PCDHGB4: variants seen among roughly 807,000 people sequenced by gnomAD.
The protein encoded by PCDHGB4 is protocadherin gamma-B4.
In PCDHGB4, 38 loss-of-function variants were observed where a neutral mutation model predicts 60.5. The observed-to-expected ratio is 0.63, with a 90% confidence interval of 0.48 to 0.82. The LOEUF is 0.82. Among genes scored for constraint, PCDHGB4 ranks in the 40% least tolerant of loss-of-function variants. PCDHGB4 has a pLI of 0.00. For missense variants in PCDHGB4, 1,109 were observed against 1,209.6 expected, an observed-to-expected ratio of 0.92 and a Z score of 1.23; for synonymous variants, 456 against 509.7, an observed-to-expected ratio of 0.89 and a Z score of 1.42.
chr5:141,398,105 G>A (rs778559832), intron 1 of PCDHGB4: 2 of 1,595,534 alleles, frequency 1.3e-6, no homozygotes, highest in East Asian at 4.5e-5. Context: ...AGGCTGGTGA[G>A]CAAGCTGAGG....
At chr5:141,470,383 G>A (rs569789033) in intron 1 of PCDHGB4, among the ~76,000 whole-genome samples, 7 of 152,246 alleles carry the variant, frequency 4.6e-5, no homozygotes, top group South Asian at 2.1e-4. Context: ...AAGACTACTC[G>A]ATGATATTTA....
At chr5:141,498,669 C>T (rs774292307) in intron 2 of PCDHGB4, among the ~76,000 whole-genome samples, 29 of 152,156 alleles carry the variant, frequency 1.9e-4, no homozygotes, top group African/African-American at 6.0e-4. Flanking sequence ...TGGTGGCTCA[C>T]GCCTGTAATC....
intron 3 of PCDHGB4, among the ~76,000 whole-genome samples, chr5:141,506,441 T>C (rs1940889203): frequency 9.8e-6 from 1 of 101,930 alleles, no homozygotes; most frequent in South Asian, 3.0e-4. Flanking sequence ...TCTCGCTCTG[T>C]CTCAAAAAAA....
At position 141,490,561 on chromosome 5, in the gene PCDHGB4, A is replaced by C. The variant is rs2099701634; in HGVS notation, c.2398-4246A>C. The stretch of plus-strand genomic sequence containing the variant: ...TTCCCTACACAAACATCTCACCATC[A>C]GGCTCAACATTTCAGATGTCAATGA... On this transcript the variant is annotated intron_variant, in intron 1 of 3. Transcript: ENST00000519479. The surrounding 1 kb of genome is among the most constrained non-coding windows in gnomAD (Gnocchi z 5.4). The C allele has an allele frequency of 1.2e-6, 2 of 1,614,090 alleles. No homozygotes were observed. The highest frequency in any genetic ancestry group is 1.7e-4 in the Middle Eastern group (1 of 6,060).
At chr5:141,478,720 G>T (rs2154576937) in intron 1 of PCDHGB4, 1 of 1,543,694 alleles carries the variant, frequency 6.5e-7, no homozygotes, top group Admixed American at 2.0e-5. Context: ...ATGGTGGCCT[G>T]CCAGAGTGTG....
chr5:141,507,113 C>G (rs1401559943), intron 3 of PCDHGB4: 1 of 152,220 alleles, frequency 6.6e-6, no homozygotes, highest in Non-Finnish European at 1.5e-5. Context: ...GGGACCATGG[C>G]TGCCTTTGGA....
chr5:141,486,901 T>A lies in PCDHGB4; in HGVS notation c.2398-7906T>A. The A allele has an allele frequency of 6.2e-7, 1 of 1,614,238 alleles. No homozygotes were observed. Among genetic ancestry groups the A allele is most frequent in the Non-Finnish European group, 8.5e-7 (1 of 1,180,042 alleles). ...CTCGGGCCCGGCCTGGTTCCTTATG[T>A]CCCCAAGCACTGCCTCCATCAGTTG... On this transcript the variant is annotated intron_variant, in intron 1 of 3. Transcript: ENST00000519479. This position sits in a 1 kb window ranked among gnomAD's most constrained non-coding sequence, Gnocchi z 5.0.
intron 1 of PCDHGB4, chr5:141,414,961 G>T: frequency 6.2e-7 from 1 of 1,614,028 alleles, no homozygotes; most frequent in South Asian, 1.1e-5. Flanking sequence ...GACCAAGGTG[G>T]TGGCGGTGGA....
chr5:141,511,353 A>C lies in PCDHGB4; in HGVS notation c.*180A>C. ...AGTCAGCACCTACCCCTTCCCCCCC[A>C]GGGGGTTGAATATGCAAAAGCAGTT... On this transcript the variant is annotated 3_prime_UTR_variant, in exon 4 of 4. Transcript: ENST00000519479. 7.3e-7 allele frequency: 1 copy of C among 1,371,054 alleles called. No individual in the cohort carries two copies. Among genetic ancestry groups the C allele is most frequent in the Non-Finnish European group, 9.7e-7 (1 of 1,027,740 alleles). The allele number at this position is 1,371,054 out of a possible 1,614,324, so 84.9% of individuals were successfully genotyped here. A position where few individuals can be genotyped will look rare whatever the true frequency, so the allele number is the denominator to read the frequency against.
chr5:141,410,222 G>A, intron 1 of PCDHGB4: 2 of 1,614,018 alleles, frequency 1.2e-6, no homozygotes, highest in South Asian at 2.2e-5. Flanking sequence ...GATACTGCCA[G>A]ACCTCAGCGA....
In PCDHGB4 at chr5:141,387,722, C is replaced by G; in HGVS notation, c.-163C>G. The G allele has an allele frequency of 8.6e-7, 1 of 1,159,212 alleles. No homozygotes were observed. Among genetic ancestry groups the G allele is most frequent in the Non-Finnish European group, 1.2e-6 (1 of 835,946 alleles). 71.8% of individuals were successfully genotyped at this position (1,159,212 alleles called of 1,614,324 possible). Reference sequence around the variant, plus strand: ...CAGGGCAGCCCCAGCTCAGACTCCCCAGCGCCAGCCTTTACACCGCTTCCT... The same window carrying G: ...CAGGGCAGCCCCAGCTCAGACTCCCGAGCGCCAGCCTTTACACCGCTTCCT... On this transcript the variant is annotated 5_prime_UTR_variant, in exon 1 of 4. Transcript: ENST00000519479.
chr5:141,422,070 A>G (rs1202364320), intron 1 of PCDHGB4: 3 of 1,612,480 alleles, frequency 1.9e-6, no homozygotes, highest in Non-Finnish European at 2.5e-6. Context: ...TAATGTATTC[A>G]TTTCGGAACA....
intron 1 of PCDHGB4, among the ~76,000 whole-genome samples, chr5:141,450,894 G>C (rs919860611): frequency 6.7e-6 from 1 of 148,956 alleles, no homozygotes; most frequent in Admixed American, 6.7e-5. Context: ...GTGCGATATC[G>C]GCTCACTGCA....
intron 1 of PCDHGB4, chr5:141,405,253 C>T (rs78501291): frequency 0.034 from 55,338 of 1,614,052 alleles, 1,052 homozygotes; most frequent in Middle Eastern, 0.098. Flanking sequence ...GGAAGAGTCA[C>T]CTGATCTTCC....
intron 1 of PCDHGB4, chr5:141,422,006 C>G: frequency 6.2e-7 from 1 of 1,609,754 alleles, no homozygotes; most frequent in Non-Finnish European, 8.5e-7. Flanking sequence ...AGCTCCGGAA[C>G]TCGGGTGCTG....
chr5:141,495,833 G>A (rs559689667), intron 2 of PCDHGB4, among the ~76,000 whole-genome samples: 3 of 151,876 alleles, frequency 2.0e-5, no homozygotes, highest in African/African-American at 4.8e-5. Context: ...TCTATCCCCA[G>A]CCTCTATGTT....
rs1561624770 is a variant in PCDHGB4 at position 141,389,373 on chromosome 5, C to T, written c.1489C>T (p.Arg497Trp). Residue 497 changes from arginine to tryptophan, a missense_variant, in exon 1 of 4, where the codon CGG becomes TGG. Arg to Trp is a moderately radical substitution (Grantham distance 101, BLOSUM62 -3). This residue lies in a region of PCDHGB4 where 1,068 missense variants were observed against 1,089.9 expected (regional missense o/e 0.98). Coordinates refer to ENST00000519479, the MANE Select transcript of PCDHGB4 (RefSeq NM_003736.4). ...CATCATGGCCAGTGACCTGGAGCAGCGGGAGCTGTCATCCTACGTGTCCAT... is the reference window on the plus strand; with the variant it reads ...CATCATGGCCAGTGACCTGGAGCAGTGGGAGCTGTCATCCTACGTGTCCAT... ...YCIMASDLEQ[R>W]ELSSYVSISA... is the part of the protein sequence containing the mutation. The T allele has an allele frequency of 3.1e-6, 5 of 1,613,756 alleles. No homozygotes were observed. Among genetic ancestry groups the T allele is most frequent in the Non-Finnish European group, 4.2e-6 (5 of 1,179,912 alleles).
intron 1 of PCDHGB4, among the ~76,000 whole-genome samples, chr5:141,475,511 A>T (rs1240718716): frequency 6.6e-6 from 1 of 152,240 alleles, no homozygotes; most frequent in African/African-American, 2.4e-5. Context: ...TAATGTCTCC[A>T]CGGAAATGCT....
At chr5:141,413,454 G>A (rs765318722) in intron 1 of PCDHGB4, 46 of 1,614,026 alleles carry the variant, frequency 2.9e-5, no homozygotes, top group Non-Finnish European at 3.7e-5. Flanking sequence ...CCGCGGGCAG[G>A]ATAGACCGGG....
Sources: gnomAD v4.1 joint callset for allele counts (sites outside exome capture counted in the v4.1 genomes callset) on GRCh38, gnomAD v4.1.1 for gene constraint, gnomAD v4.1.1 regional missense constraint, Gnocchi (gnomAD v3.1) non-coding constraint, MANE v1.5 for transcripts, NCBI Gene and HGNC (gene_info 2026-07-23, HGNC 2026-07-21) for gene names.